TAF13: variants seen among roughly 807,000 people sequenced by gnomAD.
TAF13 encodes TATA-box binding protein associated factor 13, also known as transcription initiation factor TFIID subunit 13.
In TAF13, 9 loss-of-function variants were observed where a neutral mutation model predicts 18.7. The ratio of observed to expected loss-of-function variants is 0.48; its 90% confidence interval spans 0.29 to 0.84. The LOEUF is 0.84. TAF13 is among the 40% of genes least tolerant of loss of function. The pLI, the probability that TAF13 is intolerant of heterozygous loss-of-function variation, is 0.08. For missense variants in TAF13, 105 were observed against 146.5 expected (o/e 0.72, Z 1.46); for synonymous variants, 49 against 44.1 (o/e 1.11, Z -0.44).
chr1:109,075,761 T>A (rs1557987751), intron 1 of TAF13, among the ~76,000 whole-genome samples, 160 bp downstream of exon 1: 1 of 152,202 alleles, frequency 6.6e-6, no homozygotes, highest in Non-Finnish European at 1.5e-5. Flanking sequence ...CTTCATGTCC[T>A]TCCCCACTTT....
At chr1:109,067,612 A>AAAT (rs561454174) in intron 2 of TAF13, among the ~76,000 whole-genome samples, 10 of 152,118 alleles carry the variant, frequency 6.6e-5, no homozygotes, top group Admixed American at 2.0e-4. Flanking sequence ...TGTGTCTCAA[A>AAAT]AATAATAATA....
chr1:109,069,636 T>A, intron 2 of TAF13, among the ~76,000 whole-genome samples: 1 of 152,078 alleles, frequency 6.6e-6, no homozygotes, highest in East Asian at 1.9e-4. Flanking sequence ...ACCTAAGTTT[T>A]TTTTTTTAAA....
rs113478073 is a variant in TAF13, at chr1:109,070,359, C to T, written c.107-4127G>A. Among the ~76,000 whole-genome samples, 222 of 152,244 alleles carry T rather than the reference C, an allele frequency of 1.5e-3. 1 individual carries two copies. The highest frequency in any genetic ancestry group is 5.0e-3 in the African/African-American group (209 of 41,536). On this transcript the variant is annotated intron_variant, in intron 2 of 3. Transcript: ENST00000338366. ...TCTGCCTCTCAAGTAGCTGGGACTA[C>T]AGGTGCAGGCCACCACGCCCAGCTA...
intron 2 of TAF13, among the ~76,000 whole-genome samples, chr1:109,074,420 C>T (rs1149166): frequency 0.068 from 10,265 of 152,020 alleles, 386 homozygotes; most frequent in Middle Eastern, 0.16. Flanking sequence ...TCTCAAGTAC[C>T]CAGGGACACA....
chr1:109,075,726 A>T (rs1193225130), intron 1 of TAF13, among the ~76,000 whole-genome samples, 195 bp downstream of exon 1: 1 of 152,138 alleles, frequency 6.6e-6, no homozygotes, highest in Non-Finnish European at 1.5e-5. Flanking sequence ...AATCAAGGGG[A>T]AAGGGGTCAC....
rs917924528 is a variant in TAF13 at position 109,064,370 on chromosome 1, C to T, written c.*153G>A. 27 of 598,630 alleles carry T rather than the reference C, an allele frequency of 4.5e-5. No homozygotes were observed. In the African/African-American group the frequency reaches 5.0e-4, roughly 11 times the overall value. The allele number at this position is 598,630 out of a possible 1,614,324, so 37.1% of individuals were successfully genotyped here. A position where few individuals can be genotyped will look rare whatever the true frequency, so the allele number is the denominator to read the frequency against. On this transcript the variant is annotated 3_prime_UTR_variant, in exon 4 of 4. Coordinates refer to ENST00000338366, the MANE Select transcript of TAF13 (RefSeq NM_005645.4). Reference sequence around the variant, plus strand: ...CAGGCAATTACATGCACCAATATCACCCTAAAATCAAAGGCATAAAAATAA... The same window carrying T: ...CAGGCAATTACATGCACCAATATCATCCTAAAATCAAAGGCATAAAAATAA...
Position 109,071,981 on chromosome 1 carries a change from CAT to C in TAF13, c.106+3004_106+3005del, listed in dbSNP as rs1158249040. On this transcript the variant is annotated intron_variant, in intron 2 of 3. Transcript: ENST00000338366. ...AAATATATATATATATATATACACA[CAT>C]ATATATATATATATATATATATATA... is the stretch of plus-strand genomic sequence containing the variant. Among the ~76,000 whole-genome samples the C allele has an allele frequency of 4.8e-3, 49 of 10,300 alleles. 1 individual carries two copies. Among genetic ancestry groups the C allele is most frequent in the African/African-American group, 0.016 (48 of 2,924 alleles). The allele number at this position is 10,300 out of a possible 152,430, so 6.8% of individuals were successfully genotyped here. A position where few individuals can be genotyped will look rare whatever the true frequency, so the allele number is the denominator to read the frequency against.
intron 2 of TAF13, among the ~76,000 whole-genome samples, chr1:109,068,692 C>G (rs1161869116): frequency 6.6e-6 from 1 of 152,038 alleles, no homozygotes; most frequent in Non-Finnish European, 1.5e-5. Context: ...AACTCCCAGT[C>G]CAGAGACAAG....
intron 2 of TAF13, among the ~76,000 whole-genome samples, chr1:109,073,247 A>G (rs1436399608): frequency 6.6e-6 from 1 of 151,764 alleles, no homozygotes; most frequent in African/African-American, 2.4e-5. Flanking sequence ...TCACTTAAAA[A>G]GCAATTTATA....
chr1:109,074,649 C>A (rs374109913), intron 2 of TAF13, among the ~76,000 whole-genome samples: 1 of 151,830 alleles, frequency 6.6e-6, no homozygotes, highest in Non-Finnish European at 1.5e-5. Context: ...GCGTGGTGGC[C>A]GGCGCCAGTA....
chr1:109,066,483 G>A (rs989955247), intron 2 of TAF13, among the ~76,000 whole-genome samples: 2 of 152,102 alleles, frequency 1.3e-5, no homozygotes, highest in Non-Finnish European at 2.9e-5. Flanking sequence ...AAGGTAAACA[G>A]TCTTTTCCTA....
At chr1:109,074,857 C>T (rs1005972565) in intron 2 of TAF13, 130 bp downstream of exon 2, 3 of 666,754 alleles carry the variant, frequency 4.5e-6, no homozygotes, top group Non-Finnish European at 7.6e-6. Context: ...AAAAGTTAAA[C>T]AGAATTTGAT....
rs1487090597 is a variant in TAF13 at position 109,075,923 on chromosome 1, T to TG, written c.24dup (p.Thr9HisfsTer3). On this transcript the variant is annotated frameshift_variant, in exon 1 of 4. Coordinates refer to ENST00000338366, the MANE Select transcript of TAF13 (RefSeq NM_005645.4). LOFTEE classifies it high-confidence loss of function. ...TTTGGACAGAGACGGTCACTCACCG[T>TG]GGGGTCTTCTTCCTCATCTGCCATC... The TG allele has an allele frequency of 6.2e-7, 1 of 1,614,108 alleles. No homozygotes were observed. The highest frequency in any genetic ancestry group is 1.3e-5 in the African/African-American group (1 of 74,944).
chr1:109,064,767 T>A, intron 3 of TAF13, 74 bp from the exon 4 acceptor site: 1 of 1,218,156 alleles, frequency 8.2e-7, no homozygotes, highest in Non-Finnish European at 1.1e-6. Context: ...CATTTATTAA[T>A]TGCAAGTGAG....
At chr1:109,073,208 C>T (rs1461168745) in intron 2 of TAF13, among the ~76,000 whole-genome samples, 4 of 151,992 alleles carry the variant, frequency 2.6e-5, no homozygotes, top group Non-Finnish European at 5.9e-5. Context: ...TGTTCTTCTG[C>T]CCTAAATTAA....
At position 109,064,487 on chromosome 1, in the gene TAF13, TC is replaced by T; in HGVS notation, c.*35del. On this transcript the variant is annotated 3_prime_UTR_variant, in exon 4 of 4. Coordinates refer to ENST00000338366, the MANE Select transcript of TAF13 (RefSeq NM_005645.4). ...AAATATACAATTATTATATATGGTT[TC>T]CCCAGATGGTAATTTTCGGAAACTA... 7.3e-7 allele frequency: 1 copy of T among 1,374,298 alleles called. No individual in the cohort carries two copies. Among genetic ancestry groups the T allele is most frequent in the South Asian group, 2.0e-5 (1 of 49,340 alleles). 85.1% of individuals were successfully genotyped at this position (1,374,298 alleles called of 1,614,324 possible). A position where few individuals can be genotyped will look rare whatever the true frequency, so the allele number is the denominator to read the frequency against.
At chr1:109,075,181 C>CA (rs528037126) in intron 1 of TAF13, 116 bp from the exon 2 acceptor site, 56,685 of 583,412 alleles carry the variant, frequency 0.097, 21 homozygotes, top group South Asian at 0.13. Context: ...AAGGAAGCAG[C>CA]AAAAAAAAAA....
intron 3 of TAF13, 75 bp from the exon 4 acceptor site, chr1:109,064,768 TG>T: frequency 8.2e-7 from 1 of 1,223,964 alleles, no homozygotes; most frequent in Non-Finnish European, 1.1e-6. Context: ...ATTTATTAAT[TG>T]CAAGTGAGGT....
intron 2 of TAF13, among the ~76,000 whole-genome samples, chr1:109,073,501 T>C (rs897904560): frequency 5.3e-5 from 8 of 152,200 alleles, no homozygotes; most frequent in Non-Finnish European, 7.4e-5. Flanking sequence ...CCTCCCTGCC[T>C]GACTACAGGC....
Sources: gnomAD v4.1 joint callset for allele counts (sites outside exome capture counted in the v4.1 genomes callset) on GRCh38, gnomAD v4.1.1 for gene constraint, MANE v1.5 for transcripts, NCBI Gene and HGNC (gene_info 2026-07-23, HGNC 2026-07-21) for gene names.